KRT83: variants seen among roughly 807,000 people sequenced by gnomAD.
KRT83 encodes keratin, type II cuticular Hb3.
Under a neutral mutation model 52.9 loss-of-function variants are expected in KRT83, and 51 were observed. That is an observed-to-expected ratio of 0.96 (90% confidence interval 0.77 to 1.22). KRT83 has a LOEUF of 1.22. KRT83 is among the 50% of genes most tolerant of loss of function. The pLI is 0.00. For missense variants in KRT83, 654 were observed against 666.5 expected (o/e 0.98, Z 0.21); for synonymous variants, 278 against 274.1 (o/e 1.01, Z -0.14).
rs748796258 is a variant in KRT83 at position 52,316,561 on chromosome 12, G to T, written c.948C>A (p.His316Gln). The change falls in exon 6 of 9, where the codon CAC (histidine) becomes CAA (glutamine). Residue 316 changes from histidine (H) to glutamine (Q), a missense_variant. Coordinates refer to ENST00000293670, the MANE Select transcript of KRT83 (RefSeq NM_002282.3). ...CEEMKATVIR[H>Q]GETLRRTKEE... ...CCTTGGTGCGGCGCAGGGTCTCCCC[G>T]TGCCTGATCACTGTGGCCTTCATCT... 5 of 1,613,986 alleles carry T rather than the reference G, an allele frequency of 3.1e-6. No homozygotes were observed. Among genetic ancestry groups the T allele is most frequent in the Admixed American group, 3.3e-5 (2 of 59,988 alleles).
Position 52,319,218 on chromosome 12 carries a change from GTCAGCCTCCACGCAC to G in KRT83, c.516_530del (p.Glu172_Ala176del). ...TGAGCTCTGAGGCCAGCCTCCCACT[GTCAGCCTCCACGCAC>G]TCGGCCTCCCGCCGCAGAGTCTCGA... On this transcript the variant is annotated inframe_deletion, in exon 2 of 9. Transcript: ENST00000293670. 1 of 1,613,700 alleles carries G rather than the reference GTCAGCCTCCACGCAC, an allele frequency of 6.2e-7. No homozygotes were observed. Among genetic ancestry groups the G allele is most frequent in the Non-Finnish European group, 8.5e-7 (1 of 1,179,888 alleles).
intron 1 of KRT83, among the ~76,000 whole-genome samples, chr12:52,320,055 T>C (rs1186839303): frequency 2.0e-5 from 3 of 152,332 alleles, no homozygotes; most frequent in African/African-American, 7.2e-5. Context: ...CTCCCAGCGA[T>C]GAGGTTGGCC....
intron 7 of KRT83, 53 bp downstream of exon 7, chr12:52,315,840 C>A: frequency 1.1e-5 from 17 of 1,611,112 alleles, no homozygotes; most frequent in Non-Finnish European, 1.4e-5. Context: ...AGGGAAAAAT[C>A]AAAGGTGGGC....
chr12:52,317,660 C>A (rs758573053), intron 4 of KRT83, 21 bp downstream of exon 4: 41 of 1,610,954 alleles, frequency 2.5e-5, no homozygotes, highest in Non-Finnish European at 3.5e-5. Context: ...TCTGTGCCCA[C>A]CATGGTTGAG....
intron 1 of KRT83, among the ~76,000 whole-genome samples, chr12:52,320,223 G>C (rs892023183): frequency 1.3e-5 from 2 of 152,114 alleles, no homozygotes; most frequent in Non-Finnish European, 2.9e-5. Flanking sequence ...CCTCTCTTGA[G>C]GTTTTGGCTC....
chr12:52,319,241 C>G lies in KRT83; in HGVS notation c.508G>C (p.Glu170Gln). ...CTGTCAGCCTCCACGCACTCGGCCTCCCGCCGCAGAGTCTCGATGTAGCCA... is the reference window on the plus strand; with the variant it reads ...CTGTCAGCCTCCACGCACTCGGCCTGCCGCCGCAGAGTCTCGATGTAGCCA... ...FAGYIETLRR[E>Q]AECVEADSGR... is the part of the protein sequence containing the mutation. The change falls in exon 2 of 9, where the codon GAG (glutamate) becomes CAG (glutamine). Residue 170 changes from glutamate (E) to glutamine (Q), a missense_variant. Glu to Gln is a conservative substitution (Grantham distance 29, BLOSUM62 2). Coordinates refer to ENST00000293670, the MANE Select transcript of KRT83 (RefSeq NM_002282.3). 1 of 1,613,918 alleles carries G rather than the reference C, an allele frequency of 6.2e-7. No homozygotes were observed. The highest frequency in any genetic ancestry group is 8.5e-7 in the Non-Finnish European group (1 of 1,179,930).
intron 1 of KRT83, among the ~76,000 whole-genome samples, chr12:52,320,013 T>C (rs1938745771): frequency 6.6e-6 from 1 of 152,146 alleles, no homozygotes; most frequent in African/African-American, 2.4e-5. Flanking sequence ...GGGGGTGTCT[T>C]CTCTCCCTTT....
In KRT83 at chr12:52,317,040, A is replaced by C; in HGVS notation, c.751-17T>G. 6.2e-7 allele frequency: 1 copy of C among 1,614,184 alleles called. No homozygotes were observed. Among genetic ancestry groups the C allele is most frequent in the Non-Finnish European group, 8.5e-7 (1 of 1,180,030 alleles). The stretch of plus-strand genomic sequence containing the variant: ...GCGGATCTCCTGCAGGAGGTGGGGA[A>C]AGGAAGGACAACTCACTTATCTGGG... On this transcript the variant is annotated splice_polypyrimidine_tract_variant and intron_variant, in intron 4 of 8. Coordinates refer to ENST00000293670, the MANE Select transcript of KRT83 (RefSeq NM_002282.3).
At chr12:52,315,719 A>C (rs1446535232) in intron 7 of KRT83, among the ~76,000 whole-genome samples, 174 bp downstream of exon 7, 2 of 152,214 alleles carry the variant, frequency 1.3e-5, no homozygotes, top group Non-Finnish European at 2.9e-5. Flanking sequence ...GGTGATGTCC[A>C]AGAAACCAGG....
chr12:52,317,630 T>C, intron 4 of KRT83, 51 bp downstream of exon 4: 1 of 1,586,050 alleles, frequency 6.3e-7, no homozygotes, highest in Non-Finnish European at 8.6e-7. Flanking sequence ...GGGCAGAGGG[T>C]CAGGGATCCC....
Position 52,318,261 on chromosome 12 carries a change from C to T in KRT83, c.594-291G>A, listed in dbSNP as rs575861231. Among the ~76,000 whole-genome samples the T allele has an allele frequency of 1.2e-4, 18 of 152,038 alleles. No individual in the cohort carries two copies. The East Asian group carries it at 2.1e-3, about 18-fold the overall frequency. The stretch of plus-strand genomic sequence containing the variant: ...CGCGGTCTCGGCTCACTGCAAGCTC[C>T]GCCTCCCAGGTTCATGCCATTCTCC... On this transcript the variant is annotated intron_variant, in intron 2 of 8. Coordinates refer to ENST00000293670, the MANE Select transcript of KRT83 (RefSeq NM_002282.3).
At chr12:52,316,140 G>T (rs376550009) in intron 6 of KRT83, 27 bp from the exon 7 acceptor site, 7 of 1,612,358 alleles carry the variant, frequency 4.3e-6, no homozygotes, top group Non-Finnish European at 5.1e-6. Flanking sequence ...ATATGGAGAG[G>T]ATAAAGTGAA....
chr12:52,319,059 G>A, intron 2 of KRT83, 97 bp downstream of exon 2: 1 of 1,575,826 alleles, frequency 6.3e-7, no homozygotes, highest in Non-Finnish European at 8.7e-7. Flanking sequence ...TCCACTCTCA[G>A]GCAGAGATGC....
rs375680082 is a variant in KRT83, at chr12:52,315,901, C to T, written c.1254G>A (p.Glu418=). The T allele has an allele frequency of 7.4e-6, 12 of 1,612,394 alleles. No individual in the cohort carries two copies. The African/African-American group carries it at 1.5e-4, about 20-fold the overall frequency. ...IATYRRLLEG[E]EQRLCEGVEA... is the part of the protein sequence containing the mutation. ...GGCTGGGTTGGACCCACCTCTGCTCCTCGCCCTCCAGCAGGCGCCTGTAGG... is the reference window on the plus strand; with the variant it reads ...GGCTGGGTTGGACCCACCTCTGCTCTTCGCCCTCCAGCAGGCGCCTGTAGG... Residue 418 remains glutamate (E), a synonymous_variant, in exon 7 of 9, where the codon GAG becomes GAA. Coordinates refer to ENST00000293670, the MANE Select transcript of KRT83 (RefSeq NM_002282.3).
In KRT83 at chr12:52,316,866, C is replaced by T. The variant is rs775630317; in HGVS notation, c.908G>A (p.Arg303His). Reference sequence around the variant, plus strand: ...GTGTCCTGTGCCGCTCACCTTGCTGCGATACCAGGACTCGGCCTCAGCCCG... The same window carrying T: ...GTGTCCTGTGCCGCTCACCTTGCTGTGATACCAGGACTCGGCCTCAGCCCG... ...RSRAEAESWY[R>H]SKCEEMKATV... Residue 303 changes from arginine to histidine, a missense_variant, in exon 5 of 9, where the codon CGC becomes CAC. By Grantham distance (29) the Arg-to-His change is conservative. Transcript: ENST00000293670. 11 of 1,614,036 alleles carry T rather than the reference C, an allele frequency of 6.8e-6. No homozygotes were observed. The highest frequency in any genetic ancestry group is 3.3e-5 in the Admixed American group (2 of 59,996).
Position 52,319,311 on chromosome 12 carries a change from G to C in KRT83, c.438C>G (p.Tyr146Ter). Residue 146 changes from tyrosine (Y) to a stop codon, truncating the protein, a stop_gained, in exon 2 of 9, where the codon TAC (tyrosine) becomes TAG (stop). Transcript: ENST00000293670. LOFTEE classifies it high-confidence loss of function. ...TACTCTGGCAGCACTCGCGGTTTTG[G>C]TAGAACTGCAGCTTTGTCTCCAGCA... ...NKLLETKLQF[Y>*]QNRECCQSNL... is the part of the protein sequence containing the mutation. 3 of 1,614,068 alleles carry C rather than the reference G, an allele frequency of 1.9e-6. No individual in the cohort carries two copies. Among genetic ancestry groups the C allele is most frequent in the Non-Finnish European group, 2.5e-6 (3 of 1,179,932 alleles).
At chr12:52,320,052 C>T (rs973275869) in intron 1 of KRT83, among the ~76,000 whole-genome samples, 1 of 152,202 alleles carries the variant, frequency 6.6e-6, no homozygotes, top group Non-Finnish European at 1.5e-5. Flanking sequence ...CCTCTCCCAG[C>T]GATGAGGTTG....
At chr12:52,315,773 G>A (rs1184858066) in intron 7 of KRT83, 120 bp downstream of exon 7, 4 of 1,343,234 alleles carry the variant, frequency 3.0e-6, no homozygotes, top group Non-Finnish European at 4.2e-6. Context: ...ACAACTTGAA[G>A]ATATGGATCT....
At chr12:52,318,245 G>A (rs1340541846) in intron 2 of KRT83, among the ~76,000 whole-genome samples, 1 of 151,782 alleles carries the variant, frequency 6.6e-6, no homozygotes, top group Non-Finnish European at 1.5e-5. Context: ...GCGCGGTCTC[G>A]GCTCACTGCA....
Sources: gnomAD v4.1 joint callset for allele counts (sites outside exome capture counted in the v4.1 genomes callset) on GRCh38, gnomAD v4.1.1 for gene constraint, MANE v1.5 for transcripts, NCBI Gene and HGNC (gene_info 2026-07-23, HGNC 2026-07-21) for gene names.